The following NPC1L1 variants were observed in gnomAD, a reference collection of about 807,000 sequenced individuals.
NPC1L1 encodes NPC1-like intracellular cholesterol transporter 1.
In NPC1L1, 98 loss-of-function variants were observed where a neutral mutation model predicts 117.0. The observed-to-expected ratio is 0.84, with a 90% CI of 0.71 to 0.99. The LOEUF is 0.99. Among genes scored for constraint, NPC1L1 ranks in the 50% least tolerant of loss-of-function variants. The probability of loss-of-function intolerance (pLI) is 0.00; values close to 1 mark genes in which losing one functional copy is unlikely to be tolerated. For missense variants in NPC1L1, 1,540 were observed against 1,710.0 expected, an observed-to-expected ratio of 0.90 and a Z score of 1.75; for synonymous variants, 729 against 727.6, an observed-to-expected ratio of 1.00 and a Z score of -0.03.
chr7:44,521,630 A>G (rs1480127226), intron 12 of NPC1L1, 82 bp downstream of exon 12: 12 of 1,606,542 alleles, frequency 7.5e-6, no homozygotes, highest in African/African-American at 1.3e-5. Flanking sequence ...AGGTTGAGGG[A>G]GCCTCTCCAG....
chr7:44,538,745 G>A lies in NPC1L1; in HGVS notation c.1580+72C>T. 6.7e-7 allele frequency: 1 copy of A among 1,501,652 alleles called. No individual in the cohort carries two copies. The highest frequency in any genetic ancestry group is 9.2e-7 in the Non-Finnish European group (1 of 1,081,748). The allele number at this position is 1,501,652 out of a possible 1,614,324, so 93.0% of individuals were successfully genotyped here. ...CAGGACCAGCTGTATGCCCGGCCAGGTTCCCAGGAGGCCATGGCAGCCCAG... is the reference window on the plus strand; with the variant it reads ...CAGGACCAGCTGTATGCCCGGCCAGATTCCCAGGAGGCCATGGCAGCCCAG... On this transcript the variant is annotated intron_variant, in intron 2 of 18. Transcript: ENST00000381160. This position sits in a 1 kb window ranked among gnomAD's most constrained non-coding sequence, Gnocchi z 5.9.
chr7:44,527,334 T>A (rs1459208623), intron 10 of NPC1L1, among the ~76,000 whole-genome samples: 1 of 151,584 alleles, frequency 6.6e-6, no homozygotes, highest in Non-Finnish European at 1.5e-5. Flanking sequence ...GGCACATGCC[T>A]GTAATCCCAG....
rs570099521 is a variant in NPC1L1 at position 44,516,838 on chromosome 7, G to A, written c.3384C>T (p.Cys1128=). The change falls in exon 16 of 19, where the codon TGC becomes TGT. Residue 1128 remains cysteine (C), a synonymous_variant. Transcript: ENST00000381160. The part of the protein sequence containing the change: ...LCLVPTFAVS[C]LLLGLDLRSG... ...AGCGCAGGTCCAGGCCCAGCAGGAG[G>A]CAGGAGACAGCGAAGGTGGGCACAA... 2 of 1,614,204 alleles carry A rather than the reference G, an allele frequency of 1.2e-6. No individual in the cohort carries two copies. The highest frequency in any genetic ancestry group is 1.1e-5 in the South Asian group (1 of 91,078).
Position 44,534,792 on chromosome 7 carries a change from C to G in NPC1L1, c.1984-163G>C, listed in dbSNP as rs967172354. Among the ~76,000 whole-genome samples the G allele has an allele frequency of 6.6e-5, 10 of 152,338 alleles. No homozygotes were observed. The highest frequency in any genetic ancestry group is 3.4e-3 in the Middle Eastern group (1 of 294). ...GAGCTCACATCTCACATTAAAGCCC[C>G]TCTGCAGAGCCATCCTCCCAAGGGG... On this transcript the variant is annotated intron_variant, in intron 5 of 18. Transcript: ENST00000381160. The surrounding 1 kb of genome is among the most constrained non-coding windows in gnomAD (Gnocchi z 5.2).
At chr7:44,527,118 C>T (rs1277833872) in intron 10 of NPC1L1, among the ~76,000 whole-genome samples, 2 of 152,080 alleles carry the variant, frequency 1.3e-5, no homozygotes, top group Non-Finnish European at 1.5e-5. Context: ...ATCACTAGAC[C>T]TTCCCTGAAA....
chr7:44,536,773 C>T lies in NPC1L1; in HGVS notation c.1681+69G>A. The T allele has an allele frequency of 1.4e-6, 2 of 1,402,890 alleles. No homozygotes were observed. The highest frequency in any genetic ancestry group is 2.0e-6 in the Non-Finnish European group (2 of 991,160). The allele number at this position is 1,402,890 out of a possible 1,614,324, so 86.9% of individuals were successfully genotyped here. On this transcript the variant is annotated intron_variant, in intron 3 of 18. Coordinates refer to ENST00000381160, the MANE Select transcript of NPC1L1 (RefSeq NM_001101648.2). The surrounding 1 kb of genome is among the most constrained non-coding windows in gnomAD (Gnocchi z 4.7). ...GAGAATCCCCAGCACCACTCCCACCCTCCCGTCTATGGTTCCTGCCCCAAT... is the reference window on the plus strand; with the variant it reads ...GAGAATCCCCAGCACCACTCCCACCTTCCCGTCTATGGTTCCTGCCCCAAT...
chr7:44,525,976 G>A (rs1424526357), intron 10 of NPC1L1, among the ~76,000 whole-genome samples: 3 of 149,500 alleles, frequency 2.0e-5, no homozygotes, highest in East Asian at 2.0e-4. Flanking sequence ...GACCAGCCTG[G>A]CCAACATGGC....
Position 44,520,805 on chromosome 7 carries a change from G to C in NPC1L1, c.3096C>G (p.Tyr1032Ter), listed in dbSNP as rs1289286941. 6.2e-7 allele frequency: 1 copy of C among 1,614,160 alleles called. No individual in the cohort carries two copies. The highest frequency in any genetic ancestry group is 1.7e-5 in the Admixed American group (1 of 60,032). The change falls in exon 14 of 19, where the codon TAC becomes TAG. Residue 1032 changes from tyrosine to a stop codon, truncating the protein, a stop_gained. Transcript: ENST00000381160. LOFTEE classifies it high-confidence loss of function. ...IKCPKGGLAA[Y>*]STSVNLTSDG... ...CTGAAGTCAAGTTCACAGAGGTGCT[G>C]TATGCTGCCAGGCCGCTGCAAGAAG...
Position 44,522,072 on chromosome 7 carries a change from A to C in NPC1L1, c.2808T>G (p.Tyr936Ter). Reference protein sequence around the residue: ...NNFSFTQKIQYATEFPEQSYL... With the variant: ...NNFSFTQKIQ ...CTCACTGCTCAGGGAACTCTGTGGC[A>C]TACTGGATCTTCTGGGTGAAGGAGA... Residue 936 changes from tyrosine to a stop codon, truncating the protein, a stop_gained, in exon 11 of 19, where the codon TAT becomes TAG. Transcript: ENST00000381160. LOFTEE classifies it high-confidence loss of function. The C allele has an allele frequency of 6.2e-7, 1 of 1,613,968 alleles. No individual in the cohort carries two copies. The highest frequency in any genetic ancestry group is 1.1e-5 in the South Asian group (1 of 91,052).
rs1204105704 is a variant in NPC1L1 at position 44,538,326 on chromosome 7, A to G, written c.1580+491T>C. Reference sequence around the variant, plus strand: ...AGTGTGTGTGGCTGTGGCCTACCCCAGGACACCCGGCCCAGGTGCCTGAGA... The same window carrying G: ...AGTGTGTGTGGCTGTGGCCTACCCCGGGACACCCGGCCCAGGTGCCTGAGA... On this transcript the variant is annotated intron_variant, in intron 2 of 18. Coordinates refer to ENST00000381160, the MANE Select transcript of NPC1L1 (RefSeq NM_001101648.2). The surrounding 1 kb of genome is among the most constrained non-coding windows in gnomAD (Gnocchi z 5.9). 6.6e-6 allele frequency among the ~76,000 whole-genome samples: 1 copy of G among 152,234 alleles called. No homozygotes were observed. Among genetic ancestry groups the G allele is most frequent in the African/African-American group, 2.4e-5 (1 of 41,456 alleles).
In NPC1L1 at chr7:44,539,646, C is replaced by G. The variant is rs772371370; in HGVS notation, c.751G>C (p.Val251Leu). 5 of 1,613,696 alleles carry G rather than the reference C, an allele frequency of 3.1e-6. No homozygotes were observed. Among genetic ancestry groups the G allele is most frequent in the Non-Finnish European group, 4.2e-6 (5 of 1,180,036 alleles). ...CAGTCTTGGCAGGAGCAGGTCGCCA[C>G]GTCGTCACCTTGGGACTCATTGCAA... ...ARCNESQGDD[V>L]ATCSCQDCAA... The change falls in exon 2 of 19, where the codon GTG becomes CTG. Residue 251 changes from valine to leucine, a missense_variant. Val to Leu is a conservative substitution (Grantham distance 32). Transcript: ENST00000381160. This position sits in a 1 kb window ranked among gnomAD's most constrained non-coding sequence, Gnocchi z 4.4.
chr7:44,538,335 G>A lies in NPC1L1; in HGVS notation c.1580+482C>T, dbSNP rs191740312. On this transcript the variant is annotated intron_variant, in intron 2 of 18. Transcript: ENST00000381160. The surrounding 1 kb of genome is among the most constrained non-coding windows in gnomAD (Gnocchi z 5.9). ...GGCTGTGGCCTACCCCAGGACACCC[G>A]GCCCAGGTGCCTGAGACCAGCCACG... Among the ~76,000 whole-genome samples, 4 of 152,320 alleles carry A rather than the reference G, an allele frequency of 2.6e-5. No homozygotes were observed. Among genetic ancestry groups the A allele is most frequent in the Admixed American group, 1.3e-4 (2 of 15,302 alleles).
chr7:44,513,732 C>T lies in NPC1L1; in HGVS notation c.3797-83G>A. ...CTATTCCTGGTTCTGTACAACAAACCCAGGGCAGGAAGGGTCCCAGGGGGG... is the reference window on the plus strand; with the variant it reads ...CTATTCCTGGTTCTGTACAACAAACTCAGGGCAGGAAGGGTCCCAGGGGGG... On this transcript the variant is annotated intron_variant, in intron 18 of 18. Coordinates refer to ENST00000381160, the MANE Select transcript of NPC1L1 (RefSeq NM_001101648.2). 2.7e-6 allele frequency: 4 copies of T among 1,491,746 alleles called. No individual in the cohort carries two copies. The South Asian group carries it at 4.6e-5, about 17-fold the overall frequency. 92.4% of individuals were successfully genotyped at this position (1,491,746 alleles called of 1,614,324 possible).
At chr7:44,519,860 CA>C (rs1801299155) in intron 14 of NPC1L1, among the ~76,000 whole-genome samples, 1 of 150,548 alleles carries the variant, frequency 6.6e-6, no homozygotes, top group Non-Finnish European at 1.5e-5. Context: ...GGCTGGAGTG[CA>C]GTGTTGCGAT....
Position 44,533,785 on chromosome 7 carries a change from G to A in NPC1L1, c.2235C>T (p.Pro745=), listed in dbSNP as rs755464357. 4 of 1,614,062 alleles carry A rather than the reference G, an allele frequency of 2.5e-6. No individual in the cohort carries two copies. In the East Asian group the frequency reaches 6.7e-5, roughly 27 times the overall value. The change falls in exon 7 of 19, where the codon CCC becomes CCT. Residue 745 remains proline, a synonymous_variant. Coordinates refer to ENST00000381160, the MANE Select transcript of NPC1L1 (RefSeq NM_001101648.2). ...CAGAGAGGCTGCACAACAGCATGCTGGGAGCCACCCTGCCTAGGGCTCGCC... is the reference window on the plus strand; with the variant it reads ...CAGAGAGGCTGCACAACAGCATGCTAGGAGCCACCCTGCCTAGGGCTCGCC... The part of the protein sequence containing the change: ...HIGRALGRVA[P]SMLLCSLSEA...
At position 44,520,809 on chromosome 7, in the gene NPC1L1, G is replaced by A. The variant is rs755523514; in HGVS notation, c.3092C>T (p.Ala1031Val). The change falls in exon 14 of 19, where the codon GCA (alanine) becomes GTA (valine). Residue 1031 changes from alanine to valine, a missense_variant. Transcript: ENST00000381160. ...NIKCPKGGLA[A>V]YSTSVNLTSD... ...AGTCAAGTTCACAGAGGTGCTGTATGCTGCCAGGCCGCTGCAAGAAGGTCA... is the reference window on the plus strand; with the variant it reads ...AGTCAAGTTCACAGAGGTGCTGTATACTGCCAGGCCGCTGCAAGAAGGTCA... 2 of 1,614,130 alleles carry A rather than the reference G, an allele frequency of 1.2e-6. No individual in the cohort carries two copies. The highest frequency in any genetic ancestry group is 2.2e-5 in the East Asian group (1 of 44,880).
At chr7:44,535,177 C>A (rs1402827488) in intron 5 of NPC1L1, among the ~76,000 whole-genome samples, 1 of 152,082 alleles carries the variant, frequency 6.6e-6, no homozygotes, top group African/African-American at 2.4e-5. Flanking sequence ...ACCAGTCTGA[C>A]CAACATGGAG....
chr7:44,515,955 C>A lies in NPC1L1; in HGVS notation c.3644G>T (p.Gly1215Val). ...GCCAGGCAGGTTGGTCATGGCCACA[C>A]CTGCAAACACCTGGGGGGTTCAGAG... ...TISMGSAVFA[G>V]VAMTNLPGIL... The change falls in exon 18 of 19, where the codon GGT (glycine) becomes GTT (valine). Residue 1215 changes from glycine to valine, a missense_variant. Transcript: ENST00000381160. 1 of 1,614,018 alleles carries A rather than the reference C, an allele frequency of 6.2e-7. No homozygotes were observed. Among genetic ancestry groups the A allele is most frequent in the Non-Finnish European group, 8.5e-7 (1 of 1,179,972 alleles).
In NPC1L1 at chr7:44,516,071, C is replaced by A; in HGVS notation, c.3633+13G>T. 1 of 1,609,070 alleles carries A rather than the reference C, an allele frequency of 6.2e-7. No homozygotes were observed. The highest frequency in any genetic ancestry group is 8.5e-7 in the Non-Finnish European group (1 of 1,177,526). ...CGAGTGGGGCACAGGGTGGCCCACT[C>A]CTCTCCACTCACCGCACTTCCCATA... On this transcript the variant is annotated intron_variant, in intron 17 of 18. Coordinates refer to ENST00000381160, the MANE Select transcript of NPC1L1 (RefSeq NM_001101648.2).
Sources: gnomAD v4.1 joint callset for allele counts (sites outside exome capture counted in the v4.1 genomes callset) on GRCh38, gnomAD v4.1.1 for gene constraint, Gnocchi (gnomAD v3.1) non-coding constraint, MANE v1.5 for transcripts, NCBI Gene and HGNC (gene_info 2026-07-23, HGNC 2026-07-21) for gene names.